Variants in ATR observed in about 807,000 individuals in gnomAD.
The protein encoded by ATR is ATR checkpoint kinase.
ATR carries 142 observed loss-of-function variants against 305.3 expected under a neutral mutation model. The ratio of observed to expected loss-of-function variants is 0.47; its 90% CI spans 0.41 to 0.53. The LOEUF is 0.53. Ranked by LOEUF, ATR falls within the 20% of genes least tolerant of loss-of-function variation. The pLI is 0.00. For synonymous variants in ATR, 1,050 were observed against 1,068.1 expected (o/e 0.98, Z 0.33); for missense variants, 2,135 against 3,133.1 (o/e 0.68, Z 7.60).
In ATR at chr3:142,561,375, T is replaced by C. The variant is rs1264159749; in HGVS notation, c.1217A>G (p.Glu406Gly). The change falls in exon 5 of 47, where the codon GAA (glutamate) becomes GGA (glycine). Residue 406 changes from glutamate to glycine, a missense_variant. Around this residue, in one of 9 missense-constraint regions of ATR, gnomAD observed 744 missense variants for 873.2 expected, o/e 0.85. Coordinates refer to ENST00000350721, the MANE Select transcript of ATR (RefSeq NM_001184.4). ...LYAALKMESM[E>G]IIEEIQCQTQ... ...TTGGCATTGAATCTCCTCAATGATT[T>C]CCATACTTTCCATTTTCAAAGCTGC... 13 of 1,613,936 alleles carry C rather than the reference T, an allele frequency of 8.1e-6. No individual in the cohort carries two copies. Among genetic ancestry groups the C allele is most frequent in the Non-Finnish European group, 1.1e-5 (13 of 1,179,976 alleles).
rs2108310635 is a variant in ATR at position 142,485,122 on chromosome 3, T to C, written c.6221+18A>G. 6.2e-7 allele frequency: 1 copy of C among 1,613,868 alleles called. No homozygotes were observed. The highest frequency in any genetic ancestry group is 8.5e-7 in the Non-Finnish European group (1 of 1,179,722). On this transcript the variant is annotated intron_variant, in intron 36 of 46. Coordinates refer to ENST00000350721, the MANE Select transcript of ATR (RefSeq NM_001184.4). ...TCCTTACATATTTAATCTGCAAACA[T>C]GCAGTTCTCATACTCACCTGCCAAA...
chr3:142,451,897 T>A (rs1257558493), intron 46 of ATR: 32 of 1,307,862 alleles, frequency 2.4e-5, no homozygotes, highest in Non-Finnish European at 1.3e-5. Context: ...CAAGAACTGG[T>A]CAGATATTGG....
At chr3:142,455,723 T>C (rs541068455) in intron 45 of ATR, among the ~76,000 whole-genome samples, 2 of 152,226 alleles carry the variant, frequency 1.3e-5, no homozygotes, top group African/African-American at 4.8e-5. Context: ...TTACACCATA[T>C]CTACAAAATA....
chr3:142,568,563 T>G (rs533697785), intron 1 of ATR, among the ~76,000 whole-genome samples: 1 of 152,100 alleles, frequency 6.6e-6, no homozygotes, highest in African/African-American at 2.4e-5. Flanking sequence ...CCTTCTGAGG[T>G]GCAAGACAGG....
intron 13 of ATR, among the ~76,000 whole-genome samples, chr3:142,550,851 G>A (rs964437022): frequency 6.6e-6 from 1 of 151,890 alleles, no homozygotes; most frequent in African/African-American, 2.4e-5. Flanking sequence ...GCAGAGGTGC[G>A]ATCTTGGCTC....
chr3:142,550,916 T>C (rs1435865751), intron 13 of ATR, among the ~76,000 whole-genome samples: 1 of 152,004 alleles, frequency 6.6e-6, no homozygotes, highest in Non-Finnish European at 1.5e-5. Context: ...GCCTCCTGAG[T>C]AGCTGGGATT....
intron 13 of ATR, among the ~76,000 whole-genome samples, chr3:142,551,386 A>T (rs2034464859): frequency 6.6e-6 from 1 of 152,220 alleles, no homozygotes; most frequent in Non-Finnish European, 1.5e-5. Context: ...TGATCACACC[A>T]TTCCATGTCA....
Position 142,561,257 on chromosome 3 carries a change from T to C in ATR, c.1335A>G (p.Pro445=), listed in dbSNP as rs373034384. ...GGTCATCATACTCCTCAGTCTGTTT[T>C]GGTGCTCTTTTAGAAGGGTTTAGAG... is the stretch of plus-strand genomic sequence containing the variant. The part of the protein sequence containing the change: ...SSSLNPSKRA[P]KQTEEIKHVD... The change falls in exon 5 of 47, where the codon CCA becomes CCG. Residue 445 remains proline, a synonymous_variant. Transcript: ENST00000350721. 5 of 1,613,850 alleles carry C rather than the reference T, an allele frequency of 3.1e-6. No individual in the cohort carries two copies. In the African/African-American group the frequency reaches 5.3e-5, roughly 17 times the overall value.
At chr3:142,571,393 G>A (rs2035252669) in intron 1 of ATR, among the ~76,000 whole-genome samples, 1 of 152,174 alleles carries the variant, frequency 6.6e-6, no homozygotes, top group South Asian at 2.1e-4. Context: ...TTGAATCTGG[G>A]AGGCGGAGAT....
intron 1 of ATR, among the ~76,000 whole-genome samples, chr3:142,575,464 G>A (rs897992057): frequency 2.1e-5 from 2 of 96,614 alleles, no homozygotes; most frequent in Non-Finnish European, 4.1e-5. Flanking sequence ...GCGAGACTCC[G>A]TCTCAAAAAA....
intron 1 of ATR, among the ~76,000 whole-genome samples, chr3:142,574,012 G>A (rs190146215): frequency 2.6e-5 from 4 of 152,278 alleles, no homozygotes; most frequent in African/African-American, 9.6e-5. Context: ...GAACAAAGAG[G>A]AACATGGGAA....
At chr3:142,526,188 AT>A (rs1250784009) in intron 21 of ATR, among the ~76,000 whole-genome samples, 2 of 152,162 alleles carry the variant, frequency 1.3e-5, no homozygotes, top group Non-Finnish European at 2.9e-5. Context: ...AAAATTATTA[AT>A]TTTTATGTTA....
intron 36 of ATR, among the ~76,000 whole-genome samples, chr3:142,478,562 T>G (rs1056555220): frequency 1.3e-5 from 2 of 152,238 alleles, no homozygotes; most frequent in African/African-American, 4.8e-5. Flanking sequence ...AGAATGTATA[T>G]TCTGTTGATT....
At position 142,551,767 on chromosome 3, in the gene ATR, G is replaced by T. The variant is rs534523168; in HGVS notation, c.2805+1460C>A. Among the ~76,000 whole-genome samples, 4 of 152,272 alleles carry T rather than the reference G, an allele frequency of 2.6e-5. No individual in the cohort carries two copies. The East Asian group carries it at 7.7e-4, about 29-fold the overall frequency. On this transcript the variant is annotated intron_variant, in intron 13 of 46. Transcript: ENST00000350721. ...ACCTCAGGCTATAGGCACAGGCAAA[G>T]ATTTCATCACAAAAACACCAAAAGC...
At position 142,563,075 on chromosome 3, in the gene ATR, C is replaced by T; in HGVS notation, c.327G>A (p.Arg109=). Residue 109 remains arginine, a synonymous_variant, in exon 4 of 47, where the codon CGG becomes CGA. Transcript: ENST00000350721. The stretch of plus-strand genomic sequence containing the variant: ...AATGACAGGAGGGAGTTGCTGCAAT[C>T]CGCAGAAGTCTCGTTATGATCCAAT... ...FSNWIITRLL[R]IAATPSCHLL... The T allele has an allele frequency of 6.2e-7, 1 of 1,603,292 alleles. No individual in the cohort carries two copies. Among genetic ancestry groups the T allele is most frequent in the Non-Finnish European group, 8.5e-7 (1 of 1,177,264 alleles).
At chr3:142,450,015 C>A (rs1254966333) in intron 46 of ATR, 1 of 307,788 alleles carries the variant, frequency 3.2e-6, no homozygotes, top group Non-Finnish European at 6.2e-6. Flanking sequence ...CTACTTGGAA[C>A]TGTACAATTT....
chr3:142,514,807 CAAAAAAAA>C (rs56770183), intron 25 of ATR, among the ~76,000 whole-genome samples: 1 of 99,864 alleles, frequency 1.0e-5, no homozygotes, highest in South Asian at 3.5e-4. Context: ...GACTCCGTCA[CAAAAAAAA>C]AAAAAAAAAA....
intron 35 of ATR, among the ~76,000 whole-genome samples, chr3:142,490,635 G>A (rs192565597): frequency 2.6e-3 from 396 of 152,142 alleles, no homozygotes; most frequent in Non-Finnish European, 4.2e-3. Context: ...CATAATTTTA[G>A]CTTTTCAGTT....
intron 16 of ATR, among the ~76,000 whole-genome samples, chr3:142,543,559 T>TCCTC (rs1248817741): frequency 2.0e-5 from 3 of 150,630 alleles, no homozygotes; most frequent in South Asian, 2.1e-4. Flanking sequence ...CTTCCTTCCT[T>TCCTC]CCTCCCTCCC....
Sources: allele counts gnomAD v4.1 joint callset (sites outside exome capture counted in the v4.1 genomes callset), GRCh38; gene constraint gnomAD v4.1.1; regional missense constraint gnomAD v4.1.1; transcripts MANE v1.5; gene names NCBI Gene and HGNC (gene_info 2026-07-23, HGNC 2026-07-21).